Variants in WDR7 observed in about 807,000 individuals in gnomAD.
WDR7 encodes the protein WD repeat-containing protein 7.
In WDR7, 46 loss-of-function variants were observed where a neutral mutation model predicts 169.4. The ratio of observed to expected loss-of-function variants is 0.27; its 90% CI spans 0.21 to 0.35. WDR7 has a LOEUF of 0.35. Ranked by LOEUF, WDR7 falls within the 10% of genes least tolerant of loss-of-function variation. The pLI, the probability that WDR7 is intolerant of heterozygous loss-of-function variation, is 1.00. For synonymous variants in WDR7, 612 were observed against 666.8 expected, an observed-to-expected ratio of 0.92 and a Z score of 1.27; for missense variants, 1,534 against 1,859.3, an observed-to-expected ratio of 0.83 and a Z score of 3.22.
chr18:56,762,740 C>T (rs1334123562), intron 16 of WDR7, among the ~76,000 whole-genome samples: 3 of 152,020 alleles, frequency 2.0e-5, no homozygotes. Context: ...TTTTTCCCCA[C>T]TTCCTTAAAT....
chr18:56,886,775 A>G (rs1305474994), intron 21 of WDR7, among the ~76,000 whole-genome samples: 1 of 152,220 alleles, frequency 6.6e-6, no homozygotes, highest in East Asian at 1.9e-4. Flanking sequence ...TAAAGCGGAT[A>G]TCTTTTTCTA....
intron 12 of WDR7, among the ~76,000 whole-genome samples, chr18:56,704,405 G>A (rs1476860683): frequency 6.6e-6 from 1 of 151,246 alleles, no homozygotes; most frequent in Non-Finnish European, 1.5e-5. Context: ...TGGGTTTGGT[G>A]ACATGGGCAT....
At chr18:56,700,605 T>C in intron 12 of WDR7, among the ~76,000 whole-genome samples, 2 of 122,792 alleles carry the variant, frequency 1.6e-5, no homozygotes. Context: ...AGTCTCGCTC[T>C]GTCGCCCAGG....
intron 20 of WDR7, among the ~76,000 whole-genome samples, chr18:56,818,611 G>A (rs1472557171): frequency 6.6e-6 from 1 of 152,064 alleles, no homozygotes; most frequent in Admixed American, 6.5e-5. Context: ...AGATCGTTCG[G>A]GTTACCTTTA....
intron 21 of WDR7, among the ~76,000 whole-genome samples, chr18:56,919,314 C>G (rs547096766): frequency 6.6e-6 from 1 of 152,308 alleles, no homozygotes; most frequent in South Asian, 2.1e-4. Context: ...TTGTCCTTCA[C>G]CCTCCTCCCA....
intron 3 of WDR7, 30 bp from the exon 4 acceptor site, chr18:56,681,283 C>T (rs605067): frequency 0.98 from 1,452,240 of 1,476,638 alleles, 716,860 homozygotes; most frequent in East Asian, 1. Context: ...AAAAGTCACA[C>T]TCAAAGCTGA....
At chr18:56,868,884 C>T (rs1412768643) in intron 20 of WDR7, among the ~76,000 whole-genome samples, 3 of 152,078 alleles carry the variant, frequency 2.0e-5, no homozygotes, top group African/African-American at 7.2e-5. Context: ...CTTCTGATTA[C>T]TTAGCTGCCT....
At chr18:56,787,312 G>C (rs752228719) in intron 19 of WDR7, among the ~76,000 whole-genome samples, 9 of 152,140 alleles carry the variant, frequency 5.9e-5, no homozygotes, top group Non-Finnish European at 1.2e-4. Context: ...GTTGTATTCT[G>C]CCTGCTCACA....
At chr18:56,909,195 A>G (rs557858154) in intron 21 of WDR7, among the ~76,000 whole-genome samples, 2 of 151,768 alleles carry the variant, frequency 1.3e-5, no homozygotes, top group African/African-American at 2.4e-5. Context: ...TCCAGGTCTT[A>G]CTTAATAGCT....
At chr18:56,755,189 ATTCCTATTTT>A (rs1165554143) in intron 14 of WDR7, among the ~76,000 whole-genome samples, 1 of 151,212 alleles carries the variant, frequency 6.6e-6, no homozygotes, top group Non-Finnish European at 1.5e-5. Context: ...GGAACATTTT[ATTCCTATTTT>A]TTAGTTGTCA....
At chr18:56,740,213 A>G (rs1599006258) in intron 14 of WDR7, among the ~76,000 whole-genome samples, 1 of 151,786 alleles carries the variant, frequency 6.6e-6, no homozygotes, top group East Asian at 1.9e-4. Context: ...TTTAATTATT[A>G]TTACTGTCTT....
chr18:56,895,514 G>A (rs2046321320), intron 21 of WDR7, among the ~76,000 whole-genome samples: 1 of 151,436 alleles, frequency 6.6e-6, no homozygotes, highest in Non-Finnish European at 1.5e-5. Context: ...ATAGATATTT[G>A]TGTGGTTAAA....
intron 13 of WDR7, among the ~76,000 whole-genome samples, chr18:56,720,312 T>C (rs540206548): frequency 7.3e-5 from 11 of 151,196 alleles, no homozygotes; most frequent in Non-Finnish European, 1.5e-4. Flanking sequence ...TAGCTGGGTG[T>C]GGGGGCACAT....
At chr18:56,737,817 A>T in intron 14 of WDR7, among the ~76,000 whole-genome samples, 1 of 152,214 alleles carries the variant, frequency 6.6e-6, no homozygotes. Context: ...ACGGGATACC[A>T]GGCCTTGTTT....
intron 1 of WDR7, among the ~76,000 whole-genome samples, chr18:56,656,627 TG>T (rs1258506751): frequency 6.6e-6 from 1 of 151,272 alleles, no homozygotes; most frequent in Non-Finnish European, 1.5e-5. Flanking sequence ...GATATCTCAG[TG>T]TGGTCTTAAT....
chr18:56,809,099 T>G (rs1355150478), intron 19 of WDR7, among the ~76,000 whole-genome samples: 1 of 152,144 alleles, frequency 6.6e-6, no homozygotes, highest in African/African-American at 2.4e-5. Context: ...ATTTTCCTCC[T>G]GATGCATGAT....
intron 25 of WDR7, among the ~76,000 whole-genome samples, chr18:56,943,419 G>T (rs964386862): frequency 4.0e-5 from 6 of 149,202 alleles, no homozygotes; most frequent in African/African-American, 1.5e-4. Context: ...CCTCTTTAAT[G>T]TTGCCTTATG....
chr18:56,790,512 T>C (rs1045395867), intron 19 of WDR7, among the ~76,000 whole-genome samples: 3 of 152,186 alleles, frequency 2.0e-5, no homozygotes, highest in African/African-American at 7.2e-5. Flanking sequence ...TATATTAACC[T>C]ATTTTACCTG....
intron 19 of WDR7, among the ~76,000 whole-genome samples, chr18:56,793,823 T>A (rs2145126944): frequency 6.6e-6 from 1 of 152,360 alleles, no homozygotes; most frequent in Middle Eastern, 3.4e-3. Context: ...AAAGCGGGCT[T>A]ACATCTTTCT....
Sources: gnomAD v4.1 joint callset for allele counts (sites outside exome capture counted in the v4.1 genomes callset) on GRCh38, gnomAD v4.1.1 for gene constraint, MANE v1.5 for transcripts, NCBI Gene and HGNC (gene_info 2026-07-23, HGNC 2026-07-21) for gene names.